Variants in STOX2 observed in about 807,000 individuals in gnomAD.
STOX2 encodes storkhead-box protein 2.
A neutral mutation model predicts 60.9 loss-of-function variants in STOX2; 28 were observed. The ratio of observed to expected loss-of-function variants is 0.46; its 90% CI spans 0.34 to 0.63. The LOEUF (loss-of-function observed/expected upper bound fraction) is 0.63. Ranked by LOEUF, STOX2 falls within the 30% of genes least tolerant of loss-of-function variation. STOX2 has a pLI of 0.01. For synonymous variants in STOX2, 472 were observed against 463.9 expected, an observed-to-expected ratio of 1.02 and a Z score of -0.22; for missense variants, 1,024 against 1,187.7, an observed-to-expected ratio of 0.86 and a Z score of 2.03.
intron 1 of STOX2, among the ~76,000 whole-genome samples, chr4:183,819,095 A>C (rs1188472251): frequency 6.7e-6 from 1 of 150,056 alleles, no homozygotes. Flanking sequence ...CTCACATCCC[A>C]GACGATGGGC....
chr4:183,912,309 C>G (rs1741802962), intron 1 of STOX2, among the ~76,000 whole-genome samples: 1 of 152,186 alleles, frequency 6.6e-6, no homozygotes, highest in South Asian at 2.1e-4. Context: ...GTGTTCCCAT[C>G]CATCACGCCT....
chr4:183,944,087 G>A (rs4861585), intron 1 of STOX2, among the ~76,000 whole-genome samples: 149,345 of 152,324 alleles, frequency 0.98, 73,292 homozygotes, highest in East Asian at 1. Flanking sequence ...TGTTCTGAGT[G>A]TAGATAGAGA....
At chr4:183,967,040 A>T (rs746806221) in intron 1 of STOX2, among the ~76,000 whole-genome samples, 2 of 152,162 alleles carry the variant, frequency 1.3e-5, no homozygotes, top group African/African-American at 2.4e-5. Flanking sequence ...TGTAGTTGTT[A>T]TGAGTAGGAG....
intron 1 of STOX2, among the ~76,000 whole-genome samples, chr4:183,854,161 G>A (rs1187267842): frequency 6.6e-6 from 1 of 152,198 alleles, no homozygotes; most frequent in Non-Finnish European, 1.5e-5. Flanking sequence ...CCTGAAGCTT[G>A]TGGAAAGGTC....
chr4:183,877,725 G>T (rs1398128365), intron 1 of STOX2, among the ~76,000 whole-genome samples: 1 of 152,174 alleles, frequency 6.6e-6, no homozygotes, highest in Admixed American at 6.5e-5. Context: ...CTGTCTCCCA[G>T]GCTGGAGTAC....
chr4:183,802,674 C>T (rs867247675), intron 1 of STOX2, among the ~76,000 whole-genome samples: 2 of 151,544 alleles, frequency 1.3e-5, no homozygotes, highest in South Asian at 2.1e-4. Flanking sequence ...GGTGCGATCT[C>T]GGCTCATTGC....
chr4:183,851,072 A>G (rs1198466546), intron 1 of STOX2, among the ~76,000 whole-genome samples: 1 of 129,172 alleles, frequency 7.7e-6, no homozygotes, highest in African/African-American at 3.0e-5. Flanking sequence ...GGATGAGGGA[A>G]AGGATGAGAG....
chr4:184,020,557 A>G lies in STOX2; in HGVS notation c.*3273A>G, dbSNP rs1277717194. 2 of 152,088 alleles carry G rather than the reference A, an allele frequency of 1.3e-5. No individual in the cohort carries two copies. The highest frequency in any genetic ancestry group is 4.8e-5 in the African/African-American group (2 of 41,394). The allele number at this position is 152,088 out of a possible 1,614,324, so 9.4% of individuals were successfully genotyped here. A position where few individuals can be genotyped will look rare whatever the true frequency, so the allele number is the denominator to read the frequency against. Reference sequence around the variant, plus strand: ...GCTCTGCCTTCACTCGCATGCTACCATGTCGAGCCCAAACTCCACTTTAAT... The same window carrying G: ...GCTCTGCCTTCACTCGCATGCTACCGTGTCGAGCCCAAACTCCACTTTAAT... On this transcript the variant is annotated 3_prime_UTR_variant, in exon 4 of 4. Coordinates refer to ENST00000308497, the MANE Select transcript of STOX2 (RefSeq NM_020225.3).
chr4:183,927,967 A>G (rs540098093), intron 1 of STOX2, among the ~76,000 whole-genome samples: 9 of 152,118 alleles, frequency 5.9e-5, no homozygotes, highest in Non-Finnish European at 1.3e-4. Context: ...CTGTGGTCGG[A>G]TGGTCTTGCA....
chr4:183,977,320 A>G (rs1383365031), intron 1 of STOX2, among the ~76,000 whole-genome samples: 1 of 152,154 alleles, frequency 6.6e-6, no homozygotes. Flanking sequence ...GTTAAAATGT[A>G]TCCACGGGAT....
At chr4:183,966,273 T>A (rs918477627) in intron 1 of STOX2, among the ~76,000 whole-genome samples, 2 of 152,178 alleles carry the variant, frequency 1.3e-5, no homozygotes, top group Non-Finnish European at 2.9e-5. Context: ...GAGAGCTCTC[T>A]TTTAGACGCC....
chr4:183,886,630 G>A (rs1741091076), intron 1 of STOX2, among the ~76,000 whole-genome samples: 1 of 152,218 alleles, frequency 6.6e-6, no homozygotes, highest in Admixed American at 6.5e-5. Context: ...CTGGAATTAA[G>A]CAAGTAGTCC....
chr4:183,861,095 A>G (rs1270664897), intron 1 of STOX2, among the ~76,000 whole-genome samples: 4 of 152,122 alleles, frequency 2.6e-5, no homozygotes, highest in African/African-American at 9.7e-5. Context: ...ATCAAAGTGC[A>G]TTTTCTCCCC....
At chr4:183,858,597 A>G (rs778673142) in intron 1 of STOX2, among the ~76,000 whole-genome samples, 1 of 151,968 alleles carries the variant, frequency 6.6e-6, no homozygotes, top group Non-Finnish European at 1.5e-5. Flanking sequence ...AAAAAGAGAA[A>G]GAAGGAAGGA....
chr4:183,939,302 G>A (rs996233459), intron 1 of STOX2, among the ~76,000 whole-genome samples: 2 of 152,116 alleles, frequency 1.3e-5, no homozygotes, highest in African/African-American at 2.4e-5. Flanking sequence ...TCCAGCTTCC[G>A]GTGACTCCAA....
chr4:183,855,670 G>A (rs1254225988), intron 1 of STOX2, among the ~76,000 whole-genome samples: 2 of 152,180 alleles, frequency 1.3e-5, no homozygotes, highest in African/African-American at 4.8e-5. Flanking sequence ...GTGTATGTAA[G>A]CATCTTAAGG....
rs1734181027 is a variant in STOX2 at position 184,011,700 on chromosome 4, T to C, written c.2585+277T>C. ...CTAACTAAAACCAATATTTCCAGTA[T>C]TTTTTCTGCTACGTTCATATTGCCA... On this transcript the variant is annotated intron_variant, in intron 3 of 3. Coordinates refer to ENST00000308497, the MANE Select transcript of STOX2 (RefSeq NM_020225.3). This position sits in a 1 kb window ranked among gnomAD's most constrained non-coding sequence, Gnocchi z 4.4. 4 of 1,248,622 alleles carry C rather than the reference T, an allele frequency of 3.2e-6. No individual in the cohort carries two copies. Among genetic ancestry groups the C allele is most frequent in the South Asian group, 1.5e-5 (1 of 66,238 alleles). 77.3% of individuals were successfully genotyped at this position (1,248,622 alleles called of 1,614,324 possible). A position where few individuals can be genotyped will look rare whatever the true frequency, so the allele number is the denominator to read the frequency against.
intron 1 of STOX2, among the ~76,000 whole-genome samples, chr4:183,978,562 C>G (rs1732534533): frequency 6.6e-6 from 1 of 152,084 alleles, no homozygotes; most frequent in African/African-American, 2.4e-5. Flanking sequence ...AACAAAGAGT[C>G]TGAATAGCCA....
At chr4:183,969,748 T>A (rs902190004) in intron 1 of STOX2, among the ~76,000 whole-genome samples, 3 of 152,146 alleles carry the variant, frequency 2.0e-5, no homozygotes, top group Admixed American at 2.0e-4. Context: ...GCCTCCTGAG[T>A]AGCTGGGGCT....
Sources: allele counts gnomAD v4.1 joint callset (sites outside exome capture counted in the v4.1 genomes callset), GRCh38; gene constraint gnomAD v4.1.1; non-coding constraint Gnocchi (gnomAD v3.1); transcripts MANE v1.5; gene names NCBI Gene and HGNC (gene_info 2026-07-23, HGNC 2026-07-21).